The following NOS1 variants were observed in gnomAD, a reference collection of about 807,000 sequenced individuals.
NOS1 encodes NOS type I.
In NOS1, 51 loss-of-function variants were observed where a neutral mutation model predicts 164.5. The ratio of observed to expected loss-of-function variants is 0.31; its 90% CI spans 0.25 to 0.39. The LOEUF is 0.39. Ranked by LOEUF, NOS1 falls within the 10% of genes least tolerant of loss-of-function variation. The pLI is 1.00. For synonymous variants in NOS1, 719 were observed against 745.8 expected, an observed-to-expected ratio of 0.96 and a Z score of 0.59; for missense variants, 1,362 against 1,885.6, an observed-to-expected ratio of 0.72 and a Z score of 5.14.
rs1875461434 is a variant in NOS1, at chr12:117,330,286, ACACACACAAGCATG to A, written c.725+45_725+58del. 1 of 1,517,658 alleles carries A rather than the reference ACACACACAAGCATG, an allele frequency of 6.6e-7. No individual in the cohort carries two copies. Among genetic ancestry groups the A allele is most frequent in the South Asian group, 1.3e-5 (1 of 77,324 alleles). 94.0% of individuals were successfully genotyped at this position (1,517,658 alleles called of 1,614,324 possible). A position where few individuals can be genotyped will look rare whatever the true frequency, so the allele number is the denominator to read the frequency against. On this transcript the variant is annotated intron_variant, in intron 2 of 28. Transcript: ENST00000317775. The surrounding 1 kb of genome is among the most constrained non-coding windows in gnomAD (Gnocchi z 4.6). ...GCTGAGTCTCAGTAGACGCACATGC[ACACACACAAGCATG>A]CACACACACACACACACACACACAC...
Position 117,220,099 on chromosome 12 carries a change from G to A in NOS1, c.4146C>T (p.Ala1382=), listed in dbSNP as rs146276987. 176 of 1,611,922 alleles carry A rather than the reference G, an allele frequency of 1.1e-4. No homozygotes were observed. In the East Asian group the frequency reaches 2.9e-3, roughly 27 times the overall value. Residue 1382 remains alanine (A), a synonymous_variant, in exon 27 of 29, where the codon GCC becomes GCT. Transcript: ENST00000317775. ...CCCTCATCCGGCTGATGAATACGCC[G>A]GCGTCCTCTGCCGAGAGCTTCCCCT... ...TQQGKLSAED[A]GVFISRMRDD... is the part of the protein sequence containing the mutation.
intron 3 of NOS1, among the ~76,000 whole-genome samples, chr12:117,310,448 G>C (rs1422911451): frequency 7.9e-5 from 12 of 152,260 alleles, no homozygotes; most frequent in Admixed American, 4.6e-4. Flanking sequence ...GAAAAAGCAA[G>C]ATATAAAACA....
At chr12:117,281,307 G>A (rs1450504459) in intron 7 of NOS1, among the ~76,000 whole-genome samples, 2 of 151,770 alleles carry the variant, frequency 1.3e-5, no homozygotes, top group Non-Finnish European at 2.9e-5. Context: ...GGATCAGGAA[G>A]TCAGGTGTTT....
rs1289270894 is a variant in NOS1 at position 117,208,173 on chromosome 12, T to C, written c.*7136A>G. The stretch of plus-strand genomic sequence containing the variant: ...CCACTTTTTAATATTGTAACCATAA[T>C]GCAAACAAGCATAATAGGCTTTTGT... On this transcript the variant is annotated 3_prime_UTR_variant, in exon 29 of 29. Transcript: ENST00000317775. The C allele has an allele frequency of 1.1e-6, 1 of 878,422 alleles. No individual in the cohort carries two copies. Among genetic ancestry groups the C allele is most frequent in the Non-Finnish European group, 1.5e-6 (1 of 651,338 alleles). 54.4% of individuals were successfully genotyped at this position (878,422 alleles called of 1,614,324 possible).
intron 24 of NOS1, 86 bp downstream of exon 24, chr12:117,226,597 C>A: frequency 8.7e-7 from 1 of 1,152,830 alleles, no homozygotes; most frequent in Non-Finnish European, 1.3e-6. Flanking sequence ...TCTCTAGAAC[C>A]CTTCAGACTG....
chr12:117,211,606 A>G lies in NOS1; in HGVS notation c.*3703T>C, dbSNP rs1345737720. On this transcript the variant is annotated 3_prime_UTR_variant, in exon 29 of 29. Transcript: ENST00000317775. ...TTTTCTCACCCTCCTCAGCCTTCCA[A>G]AGCCAGCCTCAATTTATCTTACATG... 1 of 985,308 alleles carries G rather than the reference A, an allele frequency of 1.0e-6. No individual in the cohort carries two copies. The highest frequency in any genetic ancestry group is 1.7e-5 in the African/African-American group (1 of 57,228). 61.0% of individuals were successfully genotyped at this position (985,308 alleles called of 1,614,324 possible). A position where few individuals can be genotyped will look rare whatever the true frequency, so the allele number is the denominator to read the frequency against.
At chr12:117,263,038 C>T (rs1374599520) in intron 13 of NOS1, among the ~76,000 whole-genome samples, 5 of 152,160 alleles carry the variant, frequency 3.3e-5, no homozygotes, top group Non-Finnish European at 7.3e-5. Flanking sequence ...ATGGTACCTT[C>T]CACAGCTGCC....
chr12:117,285,383 T>A (rs1217625175), intron 6 of NOS1, 51 bp from the exon 7 acceptor site: 1 of 1,262,064 alleles, frequency 7.9e-7, no homozygotes, highest in East Asian at 2.5e-5. Context: ...CCTCCCCAGC[T>A]CCCCCAGCGC....
At chr12:117,313,115 AC>A (rs1257871146) in intron 2 of NOS1, among the ~76,000 whole-genome samples, 1 of 152,040 alleles carries the variant, frequency 6.6e-6, no homozygotes, top group East Asian at 1.9e-4. Flanking sequence ...TAGCAGCATC[AC>A]CATTGTCACC....
chr12:117,301,239 T>G (rs1433559683), intron 3 of NOS1, among the ~76,000 whole-genome samples: 1 of 152,190 alleles, frequency 6.6e-6, no homozygotes, highest in Non-Finnish European at 1.5e-5. Flanking sequence ...GCGATCCTCC[T>G]GCCTCAGCCT....
At chr12:117,349,219 G>A (rs915241690) in intron 1 of NOS1, among the ~76,000 whole-genome samples, 2 of 152,240 alleles carry the variant, frequency 1.3e-5, no homozygotes, top group Non-Finnish European at 2.9e-5. Context: ...CCTACAAGAT[G>A]AGGCTTTTTG....
At chr12:117,347,008 C>T (rs543159820) in intron 1 of NOS1, among the ~76,000 whole-genome samples, 6 of 152,040 alleles carry the variant, frequency 3.9e-5, no homozygotes, top group South Asian at 2.1e-4. Flanking sequence ...GGTTTCAGGC[C>T]GGGCATGGTG....
chr12:117,253,271 T>C (rs1871221039), intron 17 of NOS1, among the ~76,000 whole-genome samples: 1 of 152,148 alleles, frequency 6.6e-6, no homozygotes, highest in South Asian at 2.1e-4. Flanking sequence ...CACTGGGTCA[T>C]AGCAGGGTGT....
rs1013362689 is a variant in NOS1, at chr12:117,208,497, G to C, written c.*6812C>G. The C allele has an allele frequency of 8.0e-7, 1 of 1,247,048 alleles. No individual in the cohort carries two copies. The highest frequency in any genetic ancestry group is 1.0e-6 in the Non-Finnish European group (1 of 964,250). The allele number at this position is 1,247,048 out of a possible 1,614,324, so 77.2% of individuals were successfully genotyped here. On this transcript the variant is annotated 3_prime_UTR_variant, in exon 29 of 29. Coordinates refer to ENST00000317775, the MANE Select transcript of NOS1 (RefSeq NM_000620.5). ...CGGACACTGCGACGTGGGGTGCCCG[G>C]CACCGCTCTTTGGGCCTTCTGGAAA...
chr12:117,344,239 T>C (rs1466654280), intron 1 of NOS1, among the ~76,000 whole-genome samples: 1 of 152,210 alleles, frequency 6.6e-6, no homozygotes, highest in Non-Finnish European at 1.5e-5. Flanking sequence ...CTGCACAATA[T>C]AATTGACTTT....
intron 1 of NOS1, among the ~76,000 whole-genome samples, chr12:117,340,407 G>A (rs1876041846): frequency 6.6e-6 from 1 of 152,166 alleles, no homozygotes; most frequent in South Asian, 2.1e-4. Context: ...GTGATCGTGG[G>A]CAAGTTACTT....
chr12:117,310,460 CAT>C (rs1323563829), intron 3 of NOS1, among the ~76,000 whole-genome samples: 1 of 152,124 alleles, frequency 6.6e-6, no homozygotes. Context: ...TATAAAACAA[CAT>C]GTGTAATGTG....
intron 1 of NOS1, among the ~76,000 whole-genome samples, chr12:117,342,106 T>A (rs1876139606): frequency 6.6e-6 from 1 of 152,174 alleles, no homozygotes; most frequent in Admixed American, 6.5e-5. Context: ...CATTATACTC[T>A]TTTACTTTTT....
At chr12:117,293,862 T>C (rs1014693687) in intron 3 of NOS1, among the ~76,000 whole-genome samples, 9 of 152,174 alleles carry the variant, frequency 5.9e-5, no homozygotes, top group Admixed American at 6.5e-5. Context: ...TCTAAGTTAT[T>C]GTGCCCATGT....
Sources: gnomAD v4.1 joint callset for allele counts (sites outside exome capture counted in the v4.1 genomes callset) on GRCh38, gnomAD v4.1.1 for gene constraint, Gnocchi (gnomAD v3.1) non-coding constraint, MANE v1.5 for transcripts, NCBI Gene and HGNC (gene_info 2026-07-23, HGNC 2026-07-21) for gene names.